The following PPP1R9A variants were observed in gnomAD, a reference collection of about 807,000 sequenced individuals.
PPP1R9A encodes the protein protein phosphatase 1 regulatory subunit 9A, also known as neurabin-1.
PPP1R9A carries 59 observed loss-of-function variants against 141.9 expected under a neutral mutation model. That is an observed-to-expected ratio of 0.42 (90% CI 0.34 to 0.52). PPP1R9A has a LOEUF of 0.52. Ranked by LOEUF, PPP1R9A falls within the 20% of genes least tolerant of loss-of-function variation. The pLI is 0.10. For missense variants in PPP1R9A, 1,444 were observed against 1,611.9 expected, an observed-to-expected ratio of 0.90 and a Z score of 1.78; for synonymous variants, 500 against 569.7, an observed-to-expected ratio of 0.88 and a Z score of 1.74.
At chr7:95,129,808 C>T (rs895306096) in intron 4 of PPP1R9A, among the ~76,000 whole-genome samples, 1 of 152,144 alleles carries the variant, frequency 6.6e-6, no homozygotes, top group Non-Finnish European at 1.5e-5. Context: ...AGACTGTTGT[C>T]ATTTTGCCCC....
chr7:95,095,465 C>T (rs1163287364), intron 2 of PPP1R9A, among the ~76,000 whole-genome samples: 2 of 152,154 alleles, frequency 1.3e-5, no homozygotes, highest in African/African-American at 4.8e-5. Flanking sequence ...ACACTGTCCT[C>T]GACATGTTTT....
rs1022590953 is a variant in PPP1R9A at position 95,292,280 on chromosome 7, A to C, written c.*1977A>C. ...CTATTAATGAGTGATACAATTTGGC[A>C]AAACTTTTCAAATACTAAAACACTA... On this transcript the variant is annotated 3_prime_UTR_variant, in exon 20 of 20. Coordinates refer to ENST00000433360, the MANE Select transcript of PPP1R9A (RefSeq NM_001166160.2). 1 of 152,640 alleles carries C rather than the reference A, an allele frequency of 6.6e-6. No individual in the cohort carries two copies. The highest frequency in any genetic ancestry group is 2.4e-5 in the African/African-American group (1 of 41,452). The allele number at this position is 152,640 out of a possible 1,614,324, so 9.5% of individuals were successfully genotyped here.
At chr7:95,120,895 C>G in intron 4 of PPP1R9A, 63 bp downstream of exon 4, 1 of 1,512,896 alleles carries the variant, frequency 6.6e-7, no homozygotes, top group Non-Finnish European at 8.9e-7. Flanking sequence ...AAGTTTCCTT[C>G]AGTTGTAGCT....
intron 2 of PPP1R9A, among the ~76,000 whole-genome samples, chr7:95,044,946 G>A (rs140721911): frequency 6.6e-6 from 1 of 151,654 alleles, no homozygotes; most frequent in Admixed American, 6.6e-5. Flanking sequence ...AATTTAAGTG[G>A]TTTCAGTAAA....
At chr7:95,276,172 T>C (rs1443139591) in intron 16 of PPP1R9A, among the ~76,000 whole-genome samples, 2 of 152,182 alleles carry the variant, frequency 1.3e-5, no homozygotes. Flanking sequence ...TCCTTTGGTC[T>C]CTGGGCTTTG....
intron 14 of PPP1R9A, among the ~76,000 whole-genome samples, chr7:95,272,080 A>G (rs1190232777): frequency 2.0e-5 from 3 of 152,198 alleles, no homozygotes; most frequent in Non-Finnish European, 4.4e-5. Context: ...GCTCTGTGAT[A>G]GGCAGAATCA....
chr7:95,060,103 G>A (rs1812026908), intron 2 of PPP1R9A, among the ~76,000 whole-genome samples: 1 of 152,148 alleles, frequency 6.6e-6, no homozygotes, highest in Non-Finnish European at 1.5e-5. Flanking sequence ...ACACAGCAGA[G>A]GTTGTCTGAC....
At chr7:94,920,079 T>C (rs558218390) in intron 2 of PPP1R9A, among the ~76,000 whole-genome samples, 1 of 152,184 alleles carries the variant, frequency 6.6e-6, no homozygotes, top group Admixed American at 6.5e-5. Context: ...AAATGAAAAA[T>C]TTATGTTAAA....
At chr7:95,180,413 A>G (rs1833563966) in intron 5 of PPP1R9A, among the ~76,000 whole-genome samples, 1 of 152,184 alleles carries the variant, frequency 6.6e-6, no homozygotes, top group Non-Finnish European at 1.5e-5. Flanking sequence ...CCAAAAGTAT[A>G]AGAATTCTAG....
At chr7:94,921,609 A>G (rs940439844) in intron 2 of PPP1R9A, among the ~76,000 whole-genome samples, 31 of 151,856 alleles carry the variant, frequency 2.0e-4, no homozygotes, top group Non-Finnish European at 1.3e-4. Flanking sequence ...TATGTATAAA[A>G]TTATTATTTT....
At chr7:95,163,652 A>G (rs1830750636) in intron 5 of PPP1R9A, among the ~76,000 whole-genome samples, 1 of 152,184 alleles carries the variant, frequency 6.6e-6, no homozygotes. Flanking sequence ...AGTGTTCTGA[A>G]CATTTTGGAT....
At chr7:95,220,993 G>T (rs1211641257) in intron 7 of PPP1R9A, among the ~76,000 whole-genome samples, 3 of 151,998 alleles carry the variant, frequency 2.0e-5, no homozygotes, top group Non-Finnish European at 4.4e-5. Flanking sequence ...ATATATAGAG[G>T]AAAGGAAAAG....
chr7:95,021,626 C>T (rs952757255), intron 2 of PPP1R9A, among the ~76,000 whole-genome samples: 6 of 152,152 alleles, frequency 3.9e-5, no homozygotes, highest in African/African-American at 1.4e-4. Context: ...GTCTTTAATC[C>T]ATCTTGAGTT....
At chr7:95,283,920 C>A in intron 16 of PPP1R9A, 98 bp from the exon 17 acceptor site, 1 of 1,071,190 alleles carries the variant, frequency 9.3e-7, no homozygotes, top group Non-Finnish European at 1.3e-6. Context: ...AACAGTTTCT[C>A]AAATTGTTAC....
Position 95,252,065 on chromosome 7 carries a change from C to T in PPP1R9A, c.2600C>T (p.Ser867Phe). The T allele has an allele frequency of 6.2e-7, 1 of 1,612,736 alleles. No individual in the cohort carries two copies. The highest frequency in any genetic ancestry group is 8.5e-7 in the Non-Finnish European group (1 of 1,179,610). The change falls in exon 12 of 20, where the codon TCT becomes TTT. Residue 867 changes from serine to phenylalanine, a missense_variant. Ser to Phe is a radical substitution (Grantham distance 155, BLOSUM62 -2). Coordinates refer to ENST00000433360, the MANE Select transcript of PPP1R9A (RefSeq NM_001166160.2). ...FERRTSLGEV[S>F]KGDTMENLDG... is the part of the protein sequence containing the mutation. ...AGAAGAACATCTCTTGGTGAAGTCT[C>T]TAAAGGGGATACCATGGAGAACTTG...
At chr7:95,045,555 C>G (rs1809891005) in intron 2 of PPP1R9A, among the ~76,000 whole-genome samples, 1 of 152,226 alleles carries the variant, frequency 6.6e-6, no homozygotes, top group African/African-American at 2.4e-5. Context: ...CATTTTGTCT[C>G]TTAATGCACA....
At position 94,960,311 on chromosome 7, in the gene PPP1R9A, A is replaced by T. The variant is rs932045754; in HGVS notation, c.1395+48803A>T. 7.3e-5 allele frequency among the ~76,000 whole-genome samples: 11 copies of T among 151,626 alleles called. No individual in the cohort carries two copies. In the East Asian group the frequency reaches 1.2e-3, roughly 16 times the overall value. ...CAAGATGATTCTACTGATCCTAAGTAAAACTGATCAGTGAAATCTTTTAGT... is the reference window on the plus strand; with the variant it reads ...CAAGATGATTCTACTGATCCTAAGTTAAACTGATCAGTGAAATCTTTTAGT... On this transcript the variant is annotated intron_variant, in intron 2 of 19. Transcript: ENST00000433360.
chr7:94,990,753 A>G (rs796469897), intron 2 of PPP1R9A, among the ~76,000 whole-genome samples: 22 of 151,872 alleles, frequency 1.4e-4, no homozygotes, highest in African/African-American at 4.6e-4. Flanking sequence ...CTTTACTTCT[A>G]TGAGATCAAC....
chr7:95,141,862 A>G (rs1208679063), intron 4 of PPP1R9A, among the ~76,000 whole-genome samples: 1 of 152,046 alleles, frequency 6.6e-6, no homozygotes, highest in Non-Finnish European at 1.5e-5. Context: ...TTGTGTGGAC[A>G]TATTTTCATT....
Sources: gnomAD v4.1 joint callset for allele counts (sites outside exome capture counted in the v4.1 genomes callset) on GRCh38, gnomAD v4.1.1 for gene constraint, MANE v1.5 for transcripts, NCBI Gene and HGNC (gene_info 2026-07-23, HGNC 2026-07-21) for gene names.